The following CTBP1 variants were observed in gnomAD, a reference collection of about 807,000 sequenced individuals.
The protein encoded by CTBP1 is C-terminal-binding protein 1.
A neutral mutation model predicts 42.1 loss-of-function variants in CTBP1; 11 were observed. The ratio of observed to expected loss-of-function variants is 0.26; its 90% confidence interval spans 0.16 to 0.43. CTBP1 has a LOEUF of 0.43. CTBP1 is among the 20% of genes least tolerant of loss of function. The pLI, the probability that CTBP1 is intolerant of heterozygous loss-of-function variation, is 1.00. For missense variants in CTBP1, 399 were observed against 624.3 expected (o/e 0.64, Z 3.85); for synonymous variants, 324 against 277.1 (o/e 1.17, Z -1.68).
At chr4:1,242,778 T>C in intron 1 of CTBP1, 2 of 985,360 alleles carry the variant, frequency 2.0e-6, no homozygotes, top group Non-Finnish European at 2.4e-6. Context: ...GATCTCCCCA[T>C]GGTACCCGGA....
intron 8 of CTBP1, 28 bp downstream of exon 8, chr4:1,213,450 G>T: frequency 6.2e-7 from 1 of 1,605,634 alleles, no homozygotes. Context: ...GGGACCCCCA[G>T]GCCTGACCGA....
At position 1,228,193 on chromosome 4, in the gene CTBP1, G is replaced by A. The variant is rs764017652; in HGVS notation, c.307+6C>T. 1.2e-6 allele frequency: 2 copies of A among 1,614,026 alleles called. No homozygotes were observed. The highest frequency in any genetic ancestry group is 4.5e-5 in the East Asian group (2 of 44,880). The stretch of plus-strand genomic sequence containing the variant: ...GGGCACAGGAGAGAACTCGGAGCCG[G>A]CCTACCTAAATCCCCGGCCGACTTG... On this transcript the variant is annotated splice_donor_region_variant and intron_variant, in intron 4 of 9. Transcript: ENST00000382952.
Position 1,214,406 on chromosome 4 carries a change from T to C in CTBP1, c.797A>G (p.Gln266Arg). ...GCGGATCCGGCCCTCCTTCAGGGCC[T>C]GGGCCAGCGCCTTCTCATCCACCAG... ...GGLVDEKALA[Q>R]ALKEGRIRGA... The change falls in exon 7 of 10, where the codon CAG (glutamine) becomes CGG (arginine). Residue 266 changes from glutamine (Q) to arginine (R), a missense_variant. Around this residue, in one of 4 missense-constraint regions of CTBP1, gnomAD observed 309 missense variants for 497.5 expected, o/e 0.62. Coordinates refer to ENST00000382952, the MANE Select transcript of CTBP1 (RefSeq NM_001012614.2). 2 of 1,571,988 alleles carry C rather than the reference T, an allele frequency of 1.3e-6. No homozygotes were observed. Among genetic ancestry groups the C allele is most frequent in the East Asian group, 2.4e-5 (1 of 41,736 alleles).
chr4:1,230,685 C>G (rs1011955032), intron 3 of CTBP1, among the ~76,000 whole-genome samples: 2 of 152,232 alleles, frequency 1.3e-5, no homozygotes, highest in East Asian at 3.8e-4. Flanking sequence ...CCACGGGCCT[C>G]GAAAAGTCGA....
rs368580890 is a variant in CTBP1 at position 1,219,774 on chromosome 4, G to A, written c.515-3569C>T. On this transcript the variant is annotated intron_variant, in intron 5 of 9. Coordinates refer to ENST00000382952, the MANE Select transcript of CTBP1 (RefSeq NM_001012614.2). ...GGTTTCTAACTCCTGGTGATCCTCC[G>A]GCCTCGGCCTCATAACGCACTAGGA... 7.4e-4 allele frequency among the ~76,000 whole-genome samples: 112 copies of A among 152,296 alleles called. 1 individual carries two copies. The South Asian group carries it at 0.02, about 27-fold the overall frequency.
chr4:1,223,357 G>A, intron 5 of CTBP1: 1 of 440,162 alleles, frequency 2.3e-6, no homozygotes, highest in South Asian at 1.6e-5. Flanking sequence ...GACCGTGAGA[G>A]ACGTGTCCAG....
intron 3 of CTBP1, 84 bp from the exon 4 acceptor site, chr4:1,228,427 G>A (rs1210445616): frequency 6.6e-7 from 1 of 1,513,726 alleles, no homozygotes; most frequent in Non-Finnish European, 9.0e-7. Flanking sequence ...CCCCGGCTGG[G>A]AAATTAGCCT....
intron 3 of CTBP1, among the ~76,000 whole-genome samples, chr4:1,232,034 AG>A (rs1280703962): frequency 6.6e-6 from 1 of 152,250 alleles, no homozygotes; most frequent in Admixed American, 6.5e-5. Flanking sequence ...ACTGATTGGG[AG>A]GAGTCTTTGA....
At chr4:1,245,782 A>C (rs1290752603) in intron 1 of CTBP1, among the ~76,000 whole-genome samples, 1 of 152,082 alleles carries the variant, frequency 6.6e-6, no homozygotes, top group Non-Finnish European at 1.5e-5. Flanking sequence ...GGGCCACACC[A>C]GGCCTGGAGA....
At chr4:1,228,491 A>G (rs775219232) in intron 3 of CTBP1, 148 bp from the exon 4 acceptor site, 6 of 1,014,798 alleles carry the variant, frequency 5.9e-6, no homozygotes, top group Admixed American at 5.6e-5. Context: ...GAGAGGCTAC[A>G]TGAAGGCTTC....
At chr4:1,239,219 C>G (rs2108789297) in intron 2 of CTBP1, among the ~76,000 whole-genome samples, 1 of 152,350 alleles carries the variant, frequency 6.6e-6, no homozygotes, top group Non-Finnish European at 1.5e-5. Context: ...TGAGGCGTCA[C>G]AGAAGCATGG....
At chr4:1,243,967 A>G (rs897689268) in intron 1 of CTBP1, 2 of 985,102 alleles carry the variant, frequency 2.0e-6, no homozygotes, top group African/African-American at 1.7e-5. Context: ...TGTAGAGCAC[A>G]TGGAAGCTTG....
chr4:1,237,827 C>A lies in CTBP1; in HGVS notation c.162+356G>T, dbSNP rs1215771495. 7.2e-6 allele frequency: 5 copies of A among 696,186 alleles called. No homozygotes were observed. The African/African-American group carries it at 8.8e-5, about 12-fold the overall frequency. The allele number at this position is 696,186 out of a possible 1,614,324, so 43.1% of individuals were successfully genotyped here. A position where few individuals can be genotyped will look rare whatever the true frequency, so the allele number is the denominator to read the frequency against. On this transcript the variant is annotated intron_variant, in intron 3 of 9. Coordinates refer to ENST00000382952, the MANE Select transcript of CTBP1 (RefSeq NM_001012614.2). ...CACAGGGCAAAACGAGTGTCCACCT[C>A]CTGATGGGGCTCAGGGAAAACCCCG...
chr4:1,227,071 G>A (rs1361723909), intron 4 of CTBP1, among the ~76,000 whole-genome samples: 1 of 152,048 alleles, frequency 6.6e-6, no homozygotes, highest in Non-Finnish European at 1.5e-5. Flanking sequence ...AAAACAGAAA[G>A]TGCGCTCCAA....
chr4:1,214,533 G>T, intron 6 of CTBP1, 60 bp from the exon 7 acceptor site: 1 of 1,505,780 alleles, frequency 6.6e-7, no homozygotes, highest in East Asian at 2.6e-5. Flanking sequence ...GGGCAGCCAG[G>T]GAAGCAAGGT....
chr4:1,248,096 C>T (rs976072277), intron 1 of CTBP1, among the ~76,000 whole-genome samples: 1 of 152,206 alleles, frequency 6.6e-6, no homozygotes, highest in Non-Finnish European at 1.5e-5. Flanking sequence ...CGCGCAGCGG[C>T]TCGGGCCGGC....
At chr4:1,218,091 G>A (rs1333976949) in intron 5 of CTBP1, 3 of 152,194 alleles carry the variant, frequency 2.0e-5, no homozygotes, top group African/African-American at 2.4e-5. Flanking sequence ...AACAGAAGCA[G>A]AGAGAAAAGA....
At chr4:1,224,815 G>A (rs376258472) in intron 5 of CTBP1, among the ~76,000 whole-genome samples, 6 of 150,106 alleles carry the variant, frequency 4.0e-5, no homozygotes, top group Non-Finnish European at 5.9e-5. Context: ...GTGTGCGCCC[G>A]TGAGGTCATG....
rs1731168394 is a variant in CTBP1, at chr4:1,233,450, T to C, written c.162+4733A>G. 6.6e-6 allele frequency among the ~76,000 whole-genome samples: 1 copy of C among 152,214 alleles called. No homozygotes were observed. ...CTGGCTGCAGGTCCTCGCAGGCCAC[T>C]GCGTCCTGTGCCCTCCCGGAGCCGC... On this transcript the variant is annotated intron_variant, in intron 3 of 9. Coordinates refer to ENST00000382952, the MANE Select transcript of CTBP1 (RefSeq NM_001012614.2). The surrounding 1 kb of genome is among the most constrained non-coding windows in gnomAD (Gnocchi z 4.6).
Sources: gnomAD v4.1 joint callset for allele counts (sites outside exome capture counted in the v4.1 genomes callset) on GRCh38, gnomAD v4.1.1 for gene constraint, gnomAD v4.1.1 regional missense constraint, Gnocchi (gnomAD v3.1) non-coding constraint, MANE v1.5 for transcripts, NCBI Gene and HGNC (gene_info 2026-07-23, HGNC 2026-07-21) for gene names.